The following NCKAP5 variants were observed in gnomAD, a reference collection of about 807,000 sequenced individuals.
NCKAP5 encodes the protein NCK associated protein 5.
In NCKAP5, 92 loss-of-function variants were observed where a neutral mutation model predicts 167.0. The ratio of observed to expected loss-of-function variants is 0.55; its 90% CI spans 0.47 to 0.66. The LOEUF (loss-of-function observed/expected upper bound fraction) is 0.66, where lower values mean the gene tolerates loss of function less well. Among genes scored for constraint, NCKAP5 ranks in the 30% least tolerant of loss-of-function variants. NCKAP5 has a pLI of 0.00. For missense variants in NCKAP5, 2,378 were observed against 2,315.0 expected (o/e 1.03, Z -0.56); for synonymous variants, 891 against 877.4 (o/e 1.02, Z -0.27).
At chr2:133,160,957 C>T (rs533632658) in intron 5 of NCKAP5, among the ~76,000 whole-genome samples, 9 of 152,162 alleles carry the variant, frequency 5.9e-5, no homozygotes, top group East Asian at 1.9e-4. Flanking sequence ...AGCTGTGGAC[C>T]GGTAGCAGTC....
intron 11 of NCKAP5, among the ~76,000 whole-genome samples, chr2:132,843,210 T>C (rs1274295169): frequency 2.0e-5 from 3 of 152,192 alleles, no homozygotes; most frequent in Non-Finnish European, 4.4e-5. Flanking sequence ...GGCTATTATA[T>C]CAAGATTAGT....
intron 9 of NCKAP5, among the ~76,000 whole-genome samples, 155 bp downstream of exon 9, chr2:132,878,693 A>C (rs548102480): frequency 6.6e-6 from 1 of 151,630 alleles, no homozygotes; most frequent in South Asian, 2.1e-4. Flanking sequence ...ACACACACAC[A>C]CTTCCTTTTC....
intron 2 of NCKAP5, among the ~76,000 whole-genome samples, chr2:133,529,307 C>G (rs1233881875): frequency 6.6e-6 from 1 of 152,088 alleles, no homozygotes; most frequent in Non-Finnish European, 1.5e-5. Context: ...TATTTGTTTA[C>G]CTATATACAT....
At chr2:133,647,766 A>T in the NCKAP5 span, among the ~76,000 whole-genome samples, 1 of 148,702 alleles carries the variant, frequency 6.7e-6, no homozygotes. Flanking sequence ...AAGAAAAGAA[A>T]AAAGAAAAGA....
intron 11 of NCKAP5, among the ~76,000 whole-genome samples, chr2:132,841,213 T>C (rs1333435161): frequency 2.7e-5 from 4 of 150,060 alleles, no homozygotes. Context: ...GTTAAAATAA[T>C]TTAATACAAT....
intron 6 of NCKAP5, among the ~76,000 whole-genome samples, chr2:133,011,829 T>C (rs2078170401): frequency 6.6e-6 from 1 of 152,238 alleles, no homozygotes; most frequent in African/African-American, 2.4e-5. Context: ...TCTCCTTGCT[T>C]TGACACCATA....
intron 7 of NCKAP5, among the ~76,000 whole-genome samples, chr2:132,970,778 A>G (rs1262352111): frequency 6.6e-6 from 1 of 152,124 alleles, no homozygotes; most frequent in Admixed American, 6.5e-5. Context: ...ACATCAATCA[A>G]CACAAAGTTC....
chr2:133,096,328 T>G (rs1040960193), intron 6 of NCKAP5, among the ~76,000 whole-genome samples: 5 of 151,752 alleles, frequency 3.3e-5, no homozygotes, highest in African/African-American at 1.2e-4. Context: ...CCATCTCTAG[T>G]AAAAATACAA....
chr2:133,490,653 T>A (rs1479829813), intron 3 of NCKAP5, among the ~76,000 whole-genome samples: 1 of 152,186 alleles, frequency 6.6e-6, no homozygotes, highest in Non-Finnish European at 1.5e-5. Flanking sequence ...GATGAGGATG[T>A]GATCAGAAGC....
chr2:133,649,665 A>G, the NCKAP5 span, among the ~76,000 whole-genome samples: 6 of 152,190 alleles, frequency 3.9e-5, no homozygotes, highest in African/African-American at 1.4e-4. Context: ...AGATATAGAA[A>G]AAGCATTTGG....
rs558961855 is a variant in NCKAP5 at position 133,541,986 on chromosome 2, G to T, written c.-62+17064C>A. ...TCAATAAAATGGAAGGGTTTGCACG[G>T]GATTGTTTGCACACTTGACTCACTT... On this transcript the variant is annotated intron_variant, in intron 2 of 19. Coordinates refer to ENST00000409261, the MANE Select transcript of NCKAP5 (RefSeq NM_207363.3). 1.2e-4 allele frequency among the ~76,000 whole-genome samples: 19 copies of T among 152,180 alleles called. No homozygotes were observed. The South Asian group carries it at 3.5e-3, about 28-fold the overall frequency.
At chr2:133,479,746 T>C (rs529843854) in intron 3 of NCKAP5, among the ~76,000 whole-genome samples, 2 of 152,222 alleles carry the variant, frequency 1.3e-5, no homozygotes, top group East Asian at 3.9e-4. Flanking sequence ...TAAAAGATGA[T>C]GAACCCAGAA....
chr2:133,472,789 G>T (rs1679461454), intron 3 of NCKAP5, among the ~76,000 whole-genome samples: 1 of 152,066 alleles, frequency 6.6e-6, no homozygotes, highest in Non-Finnish European at 1.5e-5. Flanking sequence ...CACCAGATCT[G>T]CTTGGTTAGC....
intron 4 of NCKAP5, among the ~76,000 whole-genome samples, chr2:133,287,530 C>T (rs1222456176): frequency 1.3e-5 from 2 of 152,146 alleles, no homozygotes; most frequent in Non-Finnish European, 2.9e-5. Flanking sequence ...TTTCCCTGTT[C>T]AAGAAAATCG....
In NCKAP5 at chr2:132,784,760, T is replaced by C. The variant is rs760646251; in HGVS notation, c.2051A>G (p.His684Arg). 6.2e-7 allele frequency: 1 copy of C among 1,613,310 alleles called. No homozygotes were observed. Among genetic ancestry groups the C allele is most frequent in the Non-Finnish European group, 8.5e-7 (1 of 1,179,544 alleles). ...GGTAACAGTGACAACCCCAGTCTGGTGAGAGCTGAATTCAATGGGCTCACC... is the reference window on the plus strand; with the variant it reads ...GGTAACAGTGACAACCCCAGTCTGGCGAGAGCTGAATTCAATGGGCTCACC... ...EDGEPIEFSSHQTGVVTVTRN... is the reference protein window; with the variant it reads ...EDGEPIEFSSRQTGVVTVTRN... Residue 684 changes from histidine (H) to arginine (R), a missense_variant, in exon 14 of 20, where the codon CAC (histidine) becomes CGC (arginine). His to Arg is a conservative substitution (Grantham distance 29). This residue lies in a region of NCKAP5 where 1,049 missense variants were observed against 1,023.4 expected (regional missense o/e 1.02). Transcript: ENST00000409261.
intron 4 of NCKAP5, among the ~76,000 whole-genome samples, chr2:133,242,730 G>A (rs181206844): frequency 5.7e-4 from 87 of 152,276 alleles, no homozygotes; most frequent in South Asian, 2.5e-3. Context: ...GAAAAACAGC[G>A]AAGACACTCA....
At chr2:133,239,418 T>C (rs1185637498) in intron 4 of NCKAP5, among the ~76,000 whole-genome samples, 3 of 152,170 alleles carry the variant, frequency 2.0e-5, no homozygotes, top group Non-Finnish European at 2.9e-5. Flanking sequence ...TTGAGTACTA[T>C]ATTCCGTGAA....
At chr2:133,455,429 G>A (rs927224832) in intron 3 of NCKAP5, among the ~76,000 whole-genome samples, 3 of 151,474 alleles carry the variant, frequency 2.0e-5, no homozygotes, top group African/African-American at 4.9e-5. Context: ...CTCTACCTTC[G>A]CCATCTCATA....
At chr2:132,778,479 A>T (rs968972197) in intron 15 of NCKAP5, among the ~76,000 whole-genome samples, 13 of 152,136 alleles carry the variant, frequency 8.5e-5, no homozygotes, top group African/African-American at 2.7e-4. Context: ...TATATATTAG[A>T]ATACTAAAAA....
Sources: allele counts gnomAD v4.1 joint callset (sites outside exome capture counted in the v4.1 genomes callset), GRCh38; gene constraint gnomAD v4.1.1; regional missense constraint gnomAD v4.1.1; transcripts MANE v1.5; gene names NCBI Gene and HGNC (gene_info 2026-07-23, HGNC 2026-07-21).